Variants in DLGAP2 observed in about 807,000 individuals in gnomAD.
The protein encoded by DLGAP2 is disks large-associated protein 2.
Under a neutral mutation model 100.3 loss-of-function variants are expected in DLGAP2, and 26 were observed. That is an observed-to-expected ratio of 0.26 (90% CI 0.19 to 0.36). The LOEUF (loss-of-function observed/expected upper bound fraction) is 0.36. Among genes scored for constraint, DLGAP2 ranks in the 10% least tolerant of loss-of-function variants. The probability of loss-of-function intolerance (pLI) is 1.00; values close to 1 mark genes in which losing one functional copy is unlikely to be tolerated. For missense variants in DLGAP2, 1,858 were observed against 1,453.2 expected (o/e 1.28, Z -4.53); for synonymous variants, 886 against 630.1 (o/e 1.41, Z -6.08).
intron 10 of DLGAP2, among the ~76,000 whole-genome samples, chr8:1,674,617 TTCAC>T (rs1319607114): frequency 6.6e-6 from 1 of 152,232 alleles, no homozygotes; most frequent in Non-Finnish European, 1.5e-5. Context: ...ATTCATTTAT[TTCAC>T]TCATATCAGA....
At chr8:1,291,611 C>T (rs1213613951) in intron 3 of DLGAP2, among the ~76,000 whole-genome samples, 1 of 152,144 alleles carries the variant, frequency 6.6e-6, no homozygotes, top group East Asian at 1.9e-4. Flanking sequence ...TAGCATATCT[C>T]CTATCTTTAA....
chr8:1,194,643 C>T lies in DLGAP2; in HGVS notation c.74-64208C>T, dbSNP rs113815685. 6.9e-3 allele frequency among the ~76,000 whole-genome samples: 1,058 copies of T among 152,308 alleles called. 8 individuals are homozygous for T. Among genetic ancestry groups the T allele is most frequent in the African/African-American group, 0.023 (969 of 41,558 alleles). On this transcript the variant is annotated intron_variant, in intron 2 of 14. Coordinates refer to ENST00000637795, the MANE Select transcript of DLGAP2 (RefSeq NM_001346810.2). ...GGAAGCCGAGTCCTTGCTATAGGAA[C>T]GTGTTGGGGCTGCTGCTTTGGGAAA... is the stretch of plus-strand genomic sequence containing the variant.
At chr8:1,166,428 C>G (rs538309253) in intron 2 of DLGAP2, among the ~76,000 whole-genome samples, 1 of 152,190 alleles carries the variant, frequency 6.6e-6, no homozygotes, top group Non-Finnish European at 1.5e-5. Context: ...CAAGCTCTTA[C>G]CCTCTGTTCG....
intron 8 of DLGAP2, among the ~76,000 whole-genome samples, chr8:1,652,115 C>G (rs1302937051): frequency 6.6e-6 from 1 of 152,210 alleles, no homozygotes. Context: ...ATTTGTGTTT[C>G]TTTCCTAAAT....
At chr8:1,386,923 G>A (rs1051079588) in intron 3 of DLGAP2, among the ~76,000 whole-genome samples, 2 of 152,146 alleles carry the variant, frequency 1.3e-5, no homozygotes, top group African/African-American at 2.4e-5. Flanking sequence ...ATAACTCCAG[G>A]GAAGGTAAAA....
intron 4 of DLGAP2, among the ~76,000 whole-genome samples, chr8:1,523,660 G>T (rs1800689315): frequency 6.6e-6 from 1 of 152,164 alleles, no homozygotes; most frequent in South Asian, 2.1e-4. Context: ...ATACCCCGAG[G>T]AACACTCGTG....
intron 8 of DLGAP2, among the ~76,000 whole-genome samples, chr8:1,656,456 C>T (rs1228611226): frequency 6.6e-6 from 1 of 152,202 alleles, no homozygotes; most frequent in Admixed American, 6.5e-5. Flanking sequence ...CACCCCTTCA[C>T]TCTGCCAACA....
chr8:1,199,727 T>G (rs1461621810), intron 2 of DLGAP2, among the ~76,000 whole-genome samples: 1 of 152,120 alleles, frequency 6.6e-6, no homozygotes, highest in East Asian at 1.9e-4. Flanking sequence ...TCGGGCTGAA[T>G]GTTTGTATCT....
intron 3 of DLGAP2, among the ~76,000 whole-genome samples, chr8:1,455,281 C>G (rs1211821706): frequency 6.6e-6 from 1 of 152,240 alleles, no homozygotes; most frequent in Non-Finnish European, 1.5e-5. Context: ...GGCACTGATT[C>G]TCATGCGCTG....
chr8:1,121,167 G>C (rs1030952726), intron 2 of DLGAP2, among the ~76,000 whole-genome samples: 2 of 108,454 alleles, frequency 1.8e-5, no homozygotes, highest in African/African-American at 7.4e-5. Context: ...TCCTCATCCA[G>C]TTAGATCCCA....
intron 2 of DLGAP2, among the ~76,000 whole-genome samples, chr8:1,001,535 GA>G (rs1339549161): frequency 1.3e-5 from 2 of 152,152 alleles, no homozygotes; most frequent in African/African-American, 4.8e-5. Context: ...AAATATTGAG[GA>G]AGGTGTCATG....
chr8:1,049,279 A>C (rs1161530248), intron 2 of DLGAP2, among the ~76,000 whole-genome samples: 2 of 152,154 alleles, frequency 1.3e-5, no homozygotes, highest in African/African-American at 2.4e-5. Context: ...GGCGAGTTTT[A>C]TGCAAATATC....
At chr8:1,065,463 C>G (rs1803216028) in intron 2 of DLGAP2, among the ~76,000 whole-genome samples, 1 of 152,184 alleles carries the variant, frequency 6.6e-6, no homozygotes. Flanking sequence ...ATGCTGGAGT[C>G]GACAGTTTCT....
intron 3 of DLGAP2, among the ~76,000 whole-genome samples, chr8:1,366,241 T>G (rs914671409): frequency 6.6e-6 from 1 of 152,268 alleles, no homozygotes; most frequent in Non-Finnish European, 1.5e-5. Context: ...ATTTGTTTAT[T>G]CCTTCATAAA....
At chr8:1,225,224 A>G (rs1798390509) in intron 2 of DLGAP2, among the ~76,000 whole-genome samples, 1 of 152,248 alleles carries the variant, frequency 6.6e-6, no homozygotes, top group African/African-American at 2.4e-5. Flanking sequence ...ATATGTACAG[A>G]CAACGGAACA....
At chr8:1,041,041 A>G (rs1473156849) in intron 2 of DLGAP2, among the ~76,000 whole-genome samples, 1 of 152,170 alleles carries the variant, frequency 6.6e-6, no homozygotes, top group Non-Finnish European at 1.5e-5. Flanking sequence ...TGAGGATGGC[A>G]TCTTGATTTT....
intron 4 of DLGAP2, among the ~76,000 whole-genome samples, chr8:1,530,833 T>A (rs1020675016): frequency 3.3e-5 from 5 of 152,134 alleles, no homozygotes; most frequent in African/African-American, 1.2e-4. Context: ...GTGCATACCT[T>A]CCCCACTTCC....
intron 2 of DLGAP2, among the ~76,000 whole-genome samples, chr8:911,631 A>T (rs1434206369): frequency 6.6e-6 from 1 of 152,068 alleles, no homozygotes; most frequent in Non-Finnish European, 1.5e-5. Flanking sequence ...ATGCATGTAT[A>T]ATGTATGTGG....
At chr8:1,092,457 G>C (rs1804217646) in intron 2 of DLGAP2, among the ~76,000 whole-genome samples, 1 of 152,152 alleles carries the variant, frequency 6.6e-6, no homozygotes, top group African/African-American at 2.4e-5. Flanking sequence ...CTTCCTCTTT[G>C]CCCCGTGGTT....
Sources: allele counts gnomAD v4.1 joint callset (sites outside exome capture counted in the v4.1 genomes callset), GRCh38; gene constraint gnomAD v4.1.1; transcripts MANE v1.5; gene names NCBI Gene and HGNC (gene_info 2026-07-23, HGNC 2026-07-21).